Variants in AK7 observed in about 807,000 individuals in gnomAD.
AK7 encodes ATP-AMP transphosphorylase 7.
AK7 carries 78 observed loss-of-function variants against 96.6 expected under a neutral mutation model. The ratio of observed to expected loss-of-function variants is 0.81; its 90% CI spans 0.67 to 0.97. The LOEUF (loss-of-function observed/expected upper bound fraction) is 0.97. AK7 is among the 50% of genes least tolerant of loss of function. AK7 has a pLI of 0.00. For synonymous variants in AK7, 302 were observed against 317.2 expected (o/e 0.95, Z 0.51); for missense variants, 855 against 887.9 (o/e 0.96, Z 0.47).
chr14:96,439,885 G>T (rs1489627941), intron 6 of AK7, among the ~76,000 whole-genome samples: 1 of 152,118 alleles, frequency 6.6e-6, no homozygotes, highest in African/African-American at 2.4e-5. Flanking sequence ...AAAAGGAGGG[G>T]GGTGCAAAGA....
chr14:96,469,880 C>T (rs549429766), intron 12 of AK7, among the ~76,000 whole-genome samples: 4 of 152,080 alleles, frequency 2.6e-5, no homozygotes, highest in East Asian at 1.9e-4. Flanking sequence ...TGCAATGGTG[C>T]GATCTTGGCT....
At chr14:96,478,207 G>T (rs1895292322) in intron 14 of AK7, among the ~76,000 whole-genome samples, 1 of 150,310 alleles carries the variant, frequency 6.7e-6, no homozygotes, top group South Asian at 2.1e-4. Flanking sequence ...GAGGGAGGAA[G>T]GAAGGAAGAG....
rs745745457 is a variant in AK7, at chr14:96,471,468, T to A, written c.1358-10T>A. Reference sequence around the variant, plus strand: ...TATAAGTAATATATACATATATGTTTTTTTATCAGGTCAACTAGACGATCA... The same window carrying A: ...TATAAGTAATATATACATATATGTTATTTTATCAGGTCAACTAGACGATCA... On this transcript the variant is annotated splice_polypyrimidine_tract_variant and intron_variant, in intron 12 of 17. Coordinates refer to ENST00000267584, the MANE Select transcript of AK7 (RefSeq NM_152327.5). 7.2e-7 allele frequency: 1 copy of A among 1,379,992 alleles called. No individual in the cohort carries two copies. Among genetic ancestry groups the A allele is most frequent in the Admixed American group, 2.2e-5 (1 of 45,050 alleles). 85.5% of individuals were successfully genotyped at this position (1,379,992 alleles called of 1,614,324 possible). A position where few individuals can be genotyped will look rare whatever the true frequency, so the allele number is the denominator to read the frequency against.
chr14:96,471,554 T>C lies in AK7; in HGVS notation c.1434T>C (p.Tyr478=). Residue 478 remains tyrosine, a synonymous_variant, in exon 13 of 18, where the codon TAT becomes TAC. Transcript: ENST00000267584. Reference sequence around the variant, plus strand: ...CAATGCCTTGCAGGAATCAAGGTTATATTTTGGATGGATTCCCAAAGACCT... The same window carrying C: ...CAATGCCTTGCAGGAATCAAGGTTACATTTTGGATGGATTCCCAAAGACCT... ...LKSMPCRNQG[Y]ILDGFPKTYD... The C allele has an allele frequency of 6.3e-7, 1 of 1,598,490 alleles. No homozygotes were observed. Among genetic ancestry groups the C allele is most frequent in the South Asian group, 1.1e-5 (1 of 87,704 alleles).
chr14:96,471,707 G>C, intron 13 of AK7, 101 bp downstream of exon 13: 2 of 1,037,426 alleles, frequency 1.9e-6, no homozygotes, highest in South Asian at 3.6e-5. Flanking sequence ...GAAAACTAGA[G>C]AGACTATTTA....
intron 13 of AK7, among the ~76,000 whole-genome samples, chr14:96,471,903 C>T (rs572379228): frequency 5.9e-5 from 9 of 152,194 alleles, no homozygotes; most frequent in East Asian, 5.8e-4. Context: ...GATACATTAT[C>T]GTTGGCTATA....
chr14:96,405,766 G>A (rs1445309924), intron 3 of AK7, among the ~76,000 whole-genome samples: 1 of 152,192 alleles, frequency 6.6e-6, no homozygotes, highest in South Asian at 2.1e-4. Flanking sequence ...TGATGCCAAA[G>A]GTCAAGGAAG....
intron 14 of AK7, among the ~76,000 whole-genome samples, chr14:96,478,066 CA>C (rs1470353386): frequency 1.3e-5 from 2 of 150,982 alleles, no homozygotes; most frequent in South Asian, 2.1e-4. Context: ...AGAAAAGAGA[CA>C]ATGTGAAAAT....
At chr14:96,437,513 G>A (rs1400235144) in intron 5 of AK7, among the ~76,000 whole-genome samples, 6 of 151,994 alleles carry the variant, frequency 3.9e-5, no homozygotes, top group East Asian at 3.9e-4. Flanking sequence ...AAAGATCCTC[G>A]TGGAAAGACC....
chr14:96,463,844 G>A (rs1421130918), intron 12 of AK7, among the ~76,000 whole-genome samples: 2 of 151,960 alleles, frequency 1.3e-5, no homozygotes, highest in African/African-American at 4.8e-5. Context: ...ATTGCACTGT[G>A]AACTCTAAAA....
At chr14:96,405,730 T>C (rs1890675279) in intron 3 of AK7, among the ~76,000 whole-genome samples, 1 of 152,176 alleles carries the variant, frequency 6.6e-6, no homozygotes, top group Non-Finnish European at 1.5e-5. Flanking sequence ...ACTCTAAATA[T>C]TTGATTCAAT....
chr14:96,412,960 A>G (rs1303688482), intron 4 of AK7, among the ~76,000 whole-genome samples: 2 of 152,196 alleles, frequency 1.3e-5, no homozygotes, highest in African/African-American at 4.8e-5. Context: ...TCAGCTGATG[A>G]CCTTATAAAA....
At chr14:96,475,165 G>T (rs1895104173) in intron 14 of AK7, among the ~76,000 whole-genome samples, 1 of 152,208 alleles carries the variant, frequency 6.6e-6, no homozygotes. Flanking sequence ...TTAATCTGTT[G>T]TTAGCAAACT....
intron 14 of AK7, among the ~76,000 whole-genome samples, chr14:96,476,540 GT>G (rs1023100708): frequency 6.7e-6 from 1 of 148,988 alleles, no homozygotes; most frequent in African/African-American, 2.5e-5. Flanking sequence ...GATTTTTCAT[GT>G]GATTCCAGAT....
chr14:96,415,788 C>T (rs927712631), intron 4 of AK7, among the ~76,000 whole-genome samples: 1 of 148,826 alleles, frequency 6.7e-6, no homozygotes, highest in East Asian at 1.9e-4. Flanking sequence ...TAATTTAATA[C>T]ATTAATTAAT....
At chr14:96,474,606 C>CA (rs1354144030) in intron 14 of AK7, among the ~76,000 whole-genome samples, 1 of 151,900 alleles carries the variant, frequency 6.6e-6, no homozygotes, top group African/African-American at 2.4e-5. Flanking sequence ...GCCTGGGCAA[C>CA]AGAGCAAGAA....
At position 96,404,784 on chromosome 14, in the gene AK7, C is replaced by A. The variant is rs781727092; in HGVS notation, c.322C>A (p.Arg108Ser). 2.5e-6 allele frequency: 4 copies of A among 1,608,076 alleles called. No homozygotes were observed. In the African/African-American group the frequency reaches 4.0e-5, roughly 16 times the overall value. The change falls in exon 3 of 18, where the codon CGC becomes AGC. Residue 108 changes from arginine to serine, a missense_variant. Physicochemically the swap from Arg to Ser is moderately radical, Grantham distance 110 (BLOSUM62 -1). Coordinates refer to ENST00000267584, the MANE Select transcript of AK7 (RefSeq NM_152327.5). ...SAISREDLLM[R>S]LLECDVIIYN... ...CATCTCTCGAGAAGACCTTCTCATG[C>A]GCCTGCTGGAGTGTGATGTTATTAT...
chr14:96,420,696 A>T (rs1326213434), intron 4 of AK7, 126 bp from the exon 5 acceptor site: 1 of 683,844 alleles, frequency 1.5e-6, no homozygotes, highest in Non-Finnish European at 2.4e-6. Flanking sequence ...CTGTCTCAAA[A>T]ATAAAAAAAT....
intron 1 of AK7, among the ~76,000 whole-genome samples, chr14:96,396,980 C>T (rs1890117107): frequency 6.6e-6 from 1 of 151,994 alleles, no homozygotes; most frequent in Admixed American, 6.6e-5. Flanking sequence ...ACCTATAGTC[C>T]CAGCTACTCA....
Sources: gnomAD v4.1 joint callset for allele counts (sites outside exome capture counted in the v4.1 genomes callset) on GRCh38, gnomAD v4.1.1 for gene constraint, MANE v1.5 for transcripts, NCBI Gene and HGNC (gene_info 2026-07-23, HGNC 2026-07-21) for gene names.